HOOK3: variants seen among roughly 807,000 people sequenced by gnomAD.
The protein encoded by HOOK3 is protein Hook homolog 3.
A neutral mutation model predicts 116.3 loss-of-function variants in HOOK3; 24 were observed. The ratio of observed to expected loss-of-function variants is 0.21; its 90% CI spans 0.15 to 0.29. The LOEUF (loss-of-function observed/expected upper bound fraction) is 0.29. HOOK3 is among the 10% of genes least tolerant of loss of function. The pLI is 1.00. For missense variants in HOOK3, 632 were observed against 830.2 expected (o/e 0.76, Z 2.93); for synonymous variants, 275 against 283.0 (o/e 0.97, Z 0.28).
chr8:42,943,028 A>G (rs924934670), intron 4 of HOOK3, among the ~76,000 whole-genome samples: 2 of 152,130 alleles, frequency 1.3e-5, no homozygotes, highest in Admixed American at 6.6e-5. Flanking sequence ...TACTTCTTCA[A>G]AGAGTATACA....
At chr8:42,901,258 A>G (rs542473353) in intron 1 of HOOK3, among the ~76,000 whole-genome samples, 23 of 152,186 alleles carry the variant, frequency 1.5e-4, no homozygotes, top group Non-Finnish European at 2.9e-4. Context: ...CTTGGAATTA[A>G]AAGAAAGATT....
chr8:42,949,914 TA>T (rs780185216), intron 5 of HOOK3, among the ~76,000 whole-genome samples: 472 of 122,938 alleles, frequency 3.8e-3, no homozygotes, highest in Middle Eastern at 8.6e-3. Context: ...AGACTCTGTC[TA>T]AAAAAAAAAA....
intron 15 of HOOK3, among the ~76,000 whole-genome samples, chr8:42,990,123 G>A (rs573275250): frequency 1.3e-5 from 2 of 151,848 alleles, no homozygotes; most frequent in South Asian, 4.2e-4. Flanking sequence ...CAGCCTCTAA[G>A]TAGCTGGAAC....
chr8:42,946,666 A>C (rs577555750), intron 5 of HOOK3, among the ~76,000 whole-genome samples: 2 of 151,826 alleles, frequency 1.3e-5, no homozygotes, highest in Non-Finnish European at 2.9e-5. Context: ...TGAAGTTATG[A>C]CTAATTTTAT....
At chr8:42,980,263 T>C (rs1808914051) in intron 13 of HOOK3, among the ~76,000 whole-genome samples, 1 of 151,942 alleles carries the variant, frequency 6.6e-6, no homozygotes, top group Non-Finnish European at 1.5e-5. Context: ...TCTACATGAG[T>C]TTTTATACAA....
chr8:42,899,922 A>G (rs888236153), intron 1 of HOOK3, among the ~76,000 whole-genome samples: 10 of 152,240 alleles, frequency 6.6e-5, no homozygotes, highest in African/African-American at 2.4e-4. Flanking sequence ...CATAGCATTT[A>G]GTTTGAGATT....
intron 17 of HOOK3, among the ~76,000 whole-genome samples, chr8:43,006,760 A>G (rs1809499275): frequency 6.6e-6 from 1 of 152,204 alleles, no homozygotes; most frequent in Admixed American, 6.6e-5. Flanking sequence ...TGAGAAAGAA[A>G]AAGGTTTATT....
chr8:43,019,454 C>A lies in HOOK3; in HGVS notation c.*956C>A, dbSNP rs1025866999. On this transcript the variant is annotated 3_prime_UTR_variant, in exon 22 of 22. Coordinates refer to ENST00000307602, the MANE Select transcript of HOOK3 (RefSeq NM_032410.4). ...TGTTTTACTTGTTCTTTAATATAAA[C>A]CCTTCCATTTTTTAACAATTCCTAA... The A allele has an allele frequency of 1.1e-4, 22 of 209,378 alleles. No homozygotes were observed. Among genetic ancestry groups the A allele is most frequent in the African/African-American group, 5.0e-4 (22 of 44,158 alleles). 13.0% of individuals were successfully genotyped at this position (209,378 alleles called of 1,614,324 possible). A position where few individuals can be genotyped will look rare whatever the true frequency, so the allele number is the denominator to read the frequency against.
chr8:42,914,055 T>A (rs1807484855), intron 2 of HOOK3, among the ~76,000 whole-genome samples: 1 of 152,218 alleles, frequency 6.6e-6, no homozygotes. Flanking sequence ...CACTGCTTTG[T>A]CAGGCTTCTC....
In HOOK3 at chr8:42,964,318, C is replaced by A. The variant is rs993467698; in HGVS notation, c.623C>A (p.Ala208Glu). Reference sequence around the variant, plus strand: ...CGTCCTATATTCCAACAGGTTGCAGCATTGCAGGAAGAGAAAAGTAGTTTG... The same window carrying A: ...CGTCCTATATTCCAACAGGTTGCAGAATTGCAGGAAGAGAAAAGTAGTTTG... Reference protein sequence around the residue: ...RCHELDMQVAALQEEKSSLLA... With the variant: ...RCHELDMQVAELQEEKSSLLA... Residue 208 changes from alanine (A) to glutamate (E), a missense_variant, in exon 9 of 22, where the codon GCA becomes GAA. Coordinates refer to ENST00000307602, the MANE Select transcript of HOOK3 (RefSeq NM_032410.4). 4 of 1,613,868 alleles carry A rather than the reference C, an allele frequency of 2.5e-6. No individual in the cohort carries two copies. Among genetic ancestry groups the A allele is most frequent in the Non-Finnish European group, 3.4e-6 (4 of 1,179,934 alleles).
chr8:42,953,938 T>C (rs1391828241), intron 6 of HOOK3, among the ~76,000 whole-genome samples: 1 of 152,194 alleles, frequency 6.6e-6, no homozygotes, highest in East Asian at 1.9e-4. Flanking sequence ...ACAACCATTG[T>C]GCCGTATCCC....
intron 2 of HOOK3, among the ~76,000 whole-genome samples, chr8:42,925,178 A>G (rs1042751023): frequency 6.6e-6 from 1 of 150,832 alleles, no homozygotes; most frequent in Non-Finnish European, 1.5e-5. Context: ...GCTTGCTGCA[A>G]CCTCTGCCTC....
chr8:42,932,706 G>C (rs902795893), intron 4 of HOOK3, among the ~76,000 whole-genome samples: 1 of 152,120 alleles, frequency 6.6e-6, no homozygotes, highest in South Asian at 2.1e-4. Context: ...TGGTGTCTTT[G>C]GAACTTATGC....
In HOOK3 at chr8:42,927,231, G is replaced by A. The variant is rs1380123092; in HGVS notation, c.216+1602G>A. Among the ~76,000 whole-genome samples, 5 of 142,154 alleles carry A rather than the reference G, an allele frequency of 3.5e-5. No homozygotes were observed. The Middle Eastern group carries it at 0.011, about 316-fold the overall frequency. 93.3% of individuals were successfully genotyped at this position (142,154 alleles called of 152,430 possible). A position where few individuals can be genotyped will look rare whatever the true frequency, so the allele number is the denominator to read the frequency against. On this transcript the variant is annotated intron_variant, in intron 3 of 21. Transcript: ENST00000307602. ...TTTACTAAGCTAGTGAATGAAAACC[G>A]TTTAATGGCACTGGTTTTTTTTTTT...
At chr8:42,901,758 C>T (rs1807194226) in intron 1 of HOOK3, among the ~76,000 whole-genome samples, 1 of 152,204 alleles carries the variant, frequency 6.6e-6, no homozygotes, top group Admixed American at 6.5e-5. Flanking sequence ...GTTGCCCAGG[C>T]TGGAGTGCAG....
At chr8:42,917,948 A>G (rs1434354052) in intron 2 of HOOK3, among the ~76,000 whole-genome samples, 1 of 152,244 alleles carries the variant, frequency 6.6e-6, no homozygotes, top group African/African-American at 2.4e-5. Flanking sequence ...TTAGGTCATT[A>G]AATGATTATT....
chr8:42,930,729 C>T (rs16891648), intron 4 of HOOK3, among the ~76,000 whole-genome samples: 3,768 of 152,296 alleles, frequency 0.025, 159 homozygotes, highest in African/African-American at 0.085. Context: ...ACCCGTAGCA[C>T]TGATCTTCCC....
intron 2 of HOOK3, among the ~76,000 whole-genome samples, chr8:42,908,096 G>A (rs917706586): frequency 2.0e-5 from 3 of 152,068 alleles, no homozygotes; most frequent in Non-Finnish European, 2.9e-5. Flanking sequence ...AATAAAATAC[G>A]TAGGAATACA....
intron 2 of HOOK3, among the ~76,000 whole-genome samples, chr8:42,909,520 G>C (rs958941008): frequency 6.6e-6 from 1 of 152,234 alleles, no homozygotes; most frequent in African/African-American, 2.4e-5. Context: ...CTGGAGTGCA[G>C]TGGATTGACC....
Sources: gnomAD v4.1 joint callset for allele counts (sites outside exome capture counted in the v4.1 genomes callset) on GRCh38, gnomAD v4.1.1 for gene constraint, MANE v1.5 for transcripts, NCBI Gene and HGNC (gene_info 2026-07-23, HGNC 2026-07-21) for gene names.